The following LMF1 variants were observed in gnomAD, a reference collection of about 807,000 sequenced individuals.
LMF1 encodes the protein lipase maturation factor 1.
LMF1 carries 68 observed loss-of-function variants against 60.6 expected under a neutral mutation model. The observed-to-expected ratio is 1.12, with a 90% CI of 0.92 to 1.37. The LOEUF (loss-of-function observed/expected upper bound fraction) is 1.37, where lower values mean the gene tolerates loss of function less well. Among genes scored for constraint, LMF1 ranks in the 40% most tolerant of loss-of-function variants. The probability of loss-of-function intolerance (pLI) is 0.00; values close to 1 mark genes in which losing one functional copy is unlikely to be tolerated. For missense variants in LMF1, 948 were observed against 767.2 expected (o/e 1.24, Z -2.78); for synonymous variants, 418 against 324.7 (o/e 1.29, Z -3.09).
intron 3 of LMF1, among the ~76,000 whole-genome samples, chr16:919,971 C>G (rs2071389855): frequency 1.3e-5 from 2 of 152,308 alleles, no homozygotes; most frequent in South Asian, 4.1e-4. Context: ...CCTCCAGGGC[C>G]TTGCTGGACA....
chr16:936,367 G>C (rs1332086329), intron 2 of LMF1, among the ~76,000 whole-genome samples: 6 of 137,764 alleles, frequency 4.4e-5, no homozygotes, highest in Non-Finnish European at 9.4e-5. Context: ...AGGAGGCTAG[G>C]AGAGAGGGGG....
intron 2 of LMF1, among the ~76,000 whole-genome samples, chr16:954,062 G>GCGTCCTACACGTCCACACAGACACCC (rs1567312834): frequency 9.0e-6 from 1 of 110,748 alleles, no homozygotes; most frequent in Non-Finnish European, 1.9e-5. Context: ...CACAGACACA[G>GCGTCCTACACGTCCACACAGACACCC]ACCCACTGCT....
At chr16:911,732 A>C (rs1029690917) in intron 3 of LMF1, among the ~76,000 whole-genome samples, 1 of 142,478 alleles carries the variant, frequency 7.0e-6, no homozygotes, top group African/African-American at 2.8e-5. Flanking sequence ...GAGGCAGCCC[A>C]GCCTCCATGT....
At chr16:915,398 C>T (rs2071252553) in intron 3 of LMF1, among the ~76,000 whole-genome samples, 1 of 152,248 alleles carries the variant, frequency 6.6e-6, no homozygotes, top group Non-Finnish European at 1.5e-5. Flanking sequence ...ACCTGCTCCC[C>T]AAATAAAACC....
chr16:854,615 C>T lies in LMF1; in HGVS notation c.1621G>A (p.Gly541Arg), dbSNP rs377058908. The change falls in exon 11 of 11, where the codon GGA becomes AGA. Residue 541 changes from glycine to arginine, a missense_variant. Transcript: ENST00000262301. Reference sequence around the variant, plus strand: ...AGGCTGAGCGGAGGGAAGTAGGCTCCGATCCTCTTCCGCACCCACCACTTG... The same window carrying T: ...AGGCTGAGCGGAGGGAAGTAGGCTCTGATCCTCTTCCGCACCCACCACTTG... ...EGKWWVRKRIGAYFPPLSLEE... is the reference protein window; with the variant it reads ...EGKWWVRKRIRAYFPPLSLEE... 1.1e-4 allele frequency: 177 copies of T among 1,606,576 alleles called. 2 individuals carry two copies. In the South Asian group the frequency reaches 1.4e-3, roughly 13 times the overall value.
Position 853,799 on chromosome 16 carries a change from C to T in LMF1, c.*733G>A, listed in dbSNP as rs1212661239. ...TCCGATTGAGGGGCCTTGTCAAGGC[C>T]TCAGAGGCAGCGAGGTCACAGCCTG... On this transcript the variant is annotated 3_prime_UTR_variant, in exon 11 of 11. Coordinates refer to ENST00000262301, the MANE Select transcript of LMF1 (RefSeq NM_022773.4). 1 of 454,106 alleles carries T rather than the reference C, an allele frequency of 2.2e-6. No homozygotes were observed. The highest frequency in any genetic ancestry group is 1.6e-5 in the South Asian group (1 of 64,474). 28.1% of individuals were successfully genotyped at this position (454,106 alleles called of 1,614,324 possible).
chr16:888,327 C>G (rs530468085), intron 5 of LMF1, among the ~76,000 whole-genome samples: 1 of 152,196 alleles, frequency 6.6e-6, no homozygotes, highest in Non-Finnish European at 1.5e-5. Flanking sequence ...TTGGATTTCC[C>G]GCAGCTTTCT....
Position 871,342 on chromosome 16 carries a change from C to T in LMF1, c.898-1G>A. 6.2e-7 allele frequency: 1 copy of T among 1,611,732 alleles called. No homozygotes were observed. Among genetic ancestry groups the T allele is most frequent in the East Asian group, 2.2e-5 (1 of 44,856 alleles). ...GGTTCCCGCTGACGATGAGGACGGC[C>T]TGTGGAGACGCCGCAGCTGAGTCTC... On this transcript the variant is annotated splice_acceptor_variant, in intron 6 of 10. Transcript: ENST00000262301. LOFTEE classifies it high-confidence loss of function.
intron 2 of LMF1, among the ~76,000 whole-genome samples, chr16:934,693 C>G (rs1174379505): frequency 1.3e-5 from 2 of 152,244 alleles, no homozygotes. Context: ...AGGCCTGTGT[C>G]TTTACTATTG....
chr16:911,103 G>A (rs1357608737), intron 3 of LMF1, 24 bp from the exon 4 acceptor site: 1 of 1,604,666 alleles, frequency 6.2e-7, no homozygotes, highest in African/African-American at 1.3e-5. Flanking sequence ...ACATACCAAA[G>A]GTGAGTTAAT....
intron 3 of LMF1, among the ~76,000 whole-genome samples, chr16:930,053 G>C (rs527279645): frequency 6.8e-6 from 1 of 148,082 alleles, no homozygotes; most frequent in Non-Finnish European, 1.5e-5. Flanking sequence ...CCCTGGGACA[G>C]AGCCCAGGAC....
chr16:860,629 C>T (rs1257342516), intron 10 of LMF1, among the ~76,000 whole-genome samples: 1 of 152,184 alleles, frequency 6.6e-6, no homozygotes, highest in African/African-American at 2.4e-5. Context: ...ATGTGGGCCA[C>T]CATGCCTGGC....
At chr16:882,017 G>A (rs2151717119) in intron 5 of LMF1, among the ~76,000 whole-genome samples, 1 of 152,338 alleles carries the variant, frequency 6.6e-6, no homozygotes, top group Middle Eastern at 3.4e-3. Flanking sequence ...CGTCCCCGTG[G>A]GAAGCGGCCC....
intron 3 of LMF1, among the ~76,000 whole-genome samples, chr16:926,930 A>C (rs2071627118): frequency 6.6e-6 from 1 of 152,212 alleles, no homozygotes; most frequent in Non-Finnish European, 1.5e-5. Flanking sequence ...TGGCCCAAGA[A>C]GACAGCCTGG....
At chr16:880,459 C>A (rs1443533942) in intron 5 of LMF1, among the ~76,000 whole-genome samples, 4 of 152,164 alleles carry the variant, frequency 2.6e-5, no homozygotes, top group Non-Finnish European at 5.9e-5. Flanking sequence ...ATCACTTGAG[C>A]CCAGGAGTTT....
intron 10 of LMF1, among the ~76,000 whole-genome samples, chr16:861,321 T>C (rs1260259526): frequency 6.6e-6 from 1 of 151,984 alleles, no homozygotes; most frequent in East Asian, 1.9e-4. Context: ...TTGTGTCTTC[T>C]GACTTTGCTG....
intron 4 of LMF1, among the ~76,000 whole-genome samples, chr16:898,246 C>T (rs558389751): frequency 2.0e-4 from 30 of 152,344 alleles, no homozygotes; most frequent in Admixed American, 3.3e-4. Flanking sequence ...GCCCTGGGCT[C>T]GCTTGCTGCC....
At chr16:952,531 C>T (rs1459813833) in intron 2 of LMF1, 1 of 152,682 alleles carries the variant, frequency 6.5e-6, no homozygotes, top group Non-Finnish European at 1.5e-5. Flanking sequence ...GGATGGAAAA[C>T]ACAGGCTCCA....
intron 6 of LMF1, among the ~76,000 whole-genome samples, chr16:877,938 C>G: frequency 6.6e-6 from 1 of 152,134 alleles, no homozygotes; most frequent in East Asian, 1.9e-4. Flanking sequence ...ACAACATCAA[C>G]AAAAAGAAGT....
Sources: gnomAD v4.1 joint callset for allele counts (sites outside exome capture counted in the v4.1 genomes callset) on GRCh38, gnomAD v4.1.1 for gene constraint, MANE v1.5 for transcripts, NCBI Gene and HGNC (gene_info 2026-07-23, HGNC 2026-07-21) for gene names.